BICDL1: variants seen among roughly 807,000 people sequenced by gnomAD.
The protein encoded by BICDL1 is BICD family like cargo adaptor 1.
BICDL1 carries 20 observed loss-of-function variants against 76.8 expected under a neutral mutation model. The ratio of observed to expected loss-of-function variants is 0.26; its 90% CI spans 0.18 to 0.38. BICDL1 has a LOEUF of 0.38. BICDL1 is among the 10% of genes least tolerant of loss of function. The pLI is 1.00. For missense variants in BICDL1, 700 were observed against 798.6 expected, an observed-to-expected ratio of 0.88 and a Z score of 1.49; for synonymous variants, 383 against 337.1, an observed-to-expected ratio of 1.14 and a Z score of -1.49.
intron 2 of BICDL1, among the ~76,000 whole-genome samples, chr12:120,061,418 T>C (rs1228722668): frequency 6.6e-6 from 1 of 152,148 alleles, no homozygotes; most frequent in African/African-American, 2.4e-5. Context: ...GTTTCTGCTA[T>C]ATGTAGAGTA....
intron 2 of BICDL1, among the ~76,000 whole-genome samples, chr12:120,015,752 G>C (rs759391652): frequency 1.3e-5 from 2 of 152,198 alleles, no homozygotes; most frequent in Non-Finnish European, 2.9e-5. Context: ...CCCACCCAGA[G>C]AATTATTTCA....
chr12:120,088,161 A>G (rs1384613095), intron 8 of BICDL1, among the ~76,000 whole-genome samples: 1 of 151,920 alleles, frequency 6.6e-6, no homozygotes, highest in African/African-American at 2.4e-5. Context: ...CGAACTCCCA[A>G]CCTCAGGTGA....
chr12:119,992,453 G>A (rs1951544228), intron 1 of BICDL1: 1 of 152,206 alleles, frequency 6.6e-6, no homozygotes, highest in Non-Finnish European at 1.5e-5. Flanking sequence ...GGCTGCAGTG[G>A]AGTGGCTGAT....
chr12:120,015,757 A>G (rs1378545547), intron 2 of BICDL1, among the ~76,000 whole-genome samples: 5 of 152,182 alleles, frequency 3.3e-5, no homozygotes, highest in Non-Finnish European at 4.4e-5. Context: ...CCAGAGAATT[A>G]TTTCACTTCT....
chr12:120,091,333 A>AC, intron 9 of BICDL1: 1 of 1,009,486 alleles, frequency 9.9e-7, no homozygotes, highest in Middle Eastern at 5.0e-4. Flanking sequence ...ACCTGGACAG[A>AC]CCTGATTGCT....
At chr12:120,014,903 C>T (rs1952029421) in intron 2 of BICDL1, among the ~76,000 whole-genome samples, 1 of 151,826 alleles carries the variant, frequency 6.6e-6, no homozygotes, top group Non-Finnish European at 1.5e-5. Flanking sequence ...AATTTATTTA[C>T]CAAATAGAAT....
intron 2 of BICDL1, among the ~76,000 whole-genome samples, chr12:120,036,787 A>T (rs1952538567): frequency 6.6e-6 from 1 of 152,340 alleles, no homozygotes; most frequent in African/African-American, 2.4e-5. Context: ...GAGACAGAAG[A>T]ATCACTTGAA....
chr12:120,050,242 T>G (rs1253045639), intron 2 of BICDL1, among the ~76,000 whole-genome samples: 1 of 152,046 alleles, frequency 6.6e-6, no homozygotes, highest in Non-Finnish European at 1.5e-5. Flanking sequence ...CTGAGCTTTA[T>G]AGATCTATTC....
At chr12:120,057,214 C>A in intron 2 of BICDL1, 1 of 463,276 alleles carries the variant, frequency 2.2e-6, no homozygotes, top group Non-Finnish European at 4.3e-6. Context: ...AGGGTTTCAC[C>A]ATATTGTCCA....
At chr12:120,014,431 C>T (rs1391600157) in intron 2 of BICDL1, among the ~76,000 whole-genome samples, 2 of 152,170 alleles carry the variant, frequency 1.3e-5, no homozygotes, top group African/African-American at 2.4e-5. Flanking sequence ...CAGTGGCTCA[C>T]GTCTGTAATC....
At chr12:120,083,771 T>G (rs1874181716) in intron 8 of BICDL1, among the ~76,000 whole-genome samples, 3 of 151,964 alleles carry the variant, frequency 2.0e-5, no homozygotes. Flanking sequence ...GCGATTCTCC[T>G]GCCTCAGCCA....
intron 2 of BICDL1, among the ~76,000 whole-genome samples, chr12:120,008,754 T>C (rs183387092): frequency 7.4e-4 from 112 of 152,312 alleles, no homozygotes; most frequent in South Asian, 5.0e-3. Flanking sequence ...ATGTTTGTTA[T>C]ATTAAGGATG....
At chr12:120,029,701 C>G (rs1356530720) in intron 2 of BICDL1, among the ~76,000 whole-genome samples, 5 of 152,060 alleles carry the variant, frequency 3.3e-5, no homozygotes, top group Non-Finnish European at 1.5e-5. Flanking sequence ...TGCTTTGTTG[C>G]CCAGGCTGGA....
At chr12:120,090,546 G>A (rs1431212136) in intron 9 of BICDL1, among the ~76,000 whole-genome samples, 6 of 151,948 alleles carry the variant, frequency 3.9e-5, no homozygotes, top group African/African-American at 1.5e-4. Context: ...GGAGTCAGTG[G>A]GTCCCTCTCT....
intron 2 of BICDL1, among the ~76,000 whole-genome samples, chr12:120,028,789 T>A (rs1952361603): frequency 6.6e-6 from 1 of 152,170 alleles, no homozygotes; most frequent in Non-Finnish European, 1.5e-5. Flanking sequence ...TAGAGGAGCT[T>A]CTGGCTTGAT....
In BICDL1 at chr12:120,081,015, A is replaced by G. The variant is rs1451457711; in HGVS notation, c.1581A>G (p.Ala527=). 5 of 1,612,968 alleles carry G rather than the reference A, an allele frequency of 3.1e-6. No individual in the cohort carries two copies. Among genetic ancestry groups the G allele is most frequent in the African/African-American group, 1.3e-5 (1 of 74,892 alleles). The change falls in exon 8 of 10, where the codon GCA becomes GCG. Residue 527 remains alanine, a splice_region_variant and synonymous_variant. Coordinates refer to ENST00000548673, the MANE Select transcript of BICDL1 (RefSeq NM_001367886.1). ...KAIRDRDEAI[A]KKNAVELELA... Reference sequence around the variant, plus strand: ...TCAGGGACCGCGACGAGGCCATTGCAAAGTGAGTAGGGATGGCTTCACTTT... The same window carrying G: ...TCAGGGACCGCGACGAGGCCATTGCGAAGTGAGTAGGGATGGCTTCACTTT...
At chr12:120,081,103 T>C (rs1873935678) in intron 8 of BICDL1, 86 bp downstream of exon 8, 2 of 1,354,660 alleles carry the variant, frequency 1.5e-6, no homozygotes. Flanking sequence ...AATTAAATCA[T>C]ACAAAAGAAT....
At position 120,080,149 on chromosome 12, in the gene BICDL1, G is replaced by A. The variant is rs148699838; in HGVS notation, c.1453-738G>A. On this transcript the variant is annotated intron_variant, in intron 7 of 9. Transcript: ENST00000548673. Reference sequence around the variant, plus strand: ...GCTTCCTGCCATCACACAGATCATGGTGTACACAGGGTTACCATACTGTGG... The same window carrying A: ...GCTTCCTGCCATCACACAGATCATGATGTACACAGGGTTACCATACTGTGG... Among the ~76,000 whole-genome samples, 588 of 152,348 alleles carry A rather than the reference G, an allele frequency of 3.9e-3. 5 individuals carry two copies. Among genetic ancestry groups the A allele is most frequent in the Non-Finnish European group, 6.3e-3 (430 of 68,034 alleles).
intron 9 of BICDL1, chr12:120,091,137 C>A: frequency 8.1e-7 from 1 of 1,229,766 alleles, no homozygotes; most frequent in Non-Finnish European, 1.0e-6. Context: ...CATCTCTGTG[C>A]AGTGTGACAT....
Sources: allele counts gnomAD v4.1 joint callset (sites outside exome capture counted in the v4.1 genomes callset), GRCh38; gene constraint gnomAD v4.1.1; transcripts MANE v1.5; gene names NCBI Gene and HGNC (gene_info 2026-07-23, HGNC 2026-07-21).